Variants in SRRM4 observed in about 807,000 individuals in gnomAD.
The protein encoded by SRRM4 is serine/arginine repetitive matrix 4, also known as serine/arginine repetitive matrix protein 4.
SRRM4 carries 33 observed loss-of-function variants against 68.9 expected under a neutral mutation model. The ratio of observed to expected loss-of-function variants is 0.48; its 90% CI spans 0.36 to 0.64. The LOEUF (loss-of-function observed/expected upper bound fraction) is 0.64. Among genes scored for constraint, SRRM4 ranks in the 30% least tolerant of loss-of-function variants. The pLI is 0.00. For synonymous variants in SRRM4, 318 were observed against 318.8 expected, an observed-to-expected ratio of 1.00 and a Z score of 0.03; for missense variants, 817 against 827.1, an observed-to-expected ratio of 0.99 and a Z score of 0.15.
intron 1 of SRRM4, among the ~76,000 whole-genome samples, chr12:119,040,187 A>T (rs963789956): frequency 9.4e-5 from 14 of 149,278 alleles, no homozygotes; most frequent in African/African-American, 3.5e-4. Flanking sequence ...GCTACCTTTT[A>T]TTTTATTTTA....
intron 1 of SRRM4, among the ~76,000 whole-genome samples, chr12:119,079,041 A>G (rs10744734): frequency 0.87 from 132,132 of 152,226 alleles, 57,659 homozygotes; most frequent in Middle Eastern, 0.95. Flanking sequence ...GCACAGGAGA[A>G]GGGCTGCACA....
At chr12:119,064,367 A>G (rs1953832722) in intron 1 of SRRM4, among the ~76,000 whole-genome samples, 1 of 152,242 alleles carries the variant, frequency 6.6e-6, no homozygotes. Flanking sequence ...TGAAGTTGAC[A>G]CACTAAAGAG....
At chr12:118,987,415 G>C (rs566027124) in intron 1 of SRRM4, among the ~76,000 whole-genome samples, 2 of 152,296 alleles carry the variant, frequency 1.3e-5, no homozygotes, top group South Asian at 4.2e-4. Context: ...GGACTCCTGA[G>C]CAGCTCCAAT....
At chr12:118,999,022 C>T (rs1953367248) in intron 1 of SRRM4, among the ~76,000 whole-genome samples, 1 of 152,120 alleles carries the variant, frequency 6.6e-6, no homozygotes, top group South Asian at 2.1e-4. Context: ...TTTGTATAAT[C>T]CAAGAGTGAT....
intron 1 of SRRM4, among the ~76,000 whole-genome samples, chr12:119,099,267 TG>T (rs1954063996): frequency 6.6e-6 from 1 of 152,168 alleles, no homozygotes; most frequent in East Asian, 1.9e-4. Context: ...CCTGAGTAGC[TG>T]GGATTACAGA....
intron 3 of SRRM4, among the ~76,000 whole-genome samples, chr12:119,116,031 C>T (rs1954177893): frequency 2.6e-5 from 4 of 151,792 alleles, no homozygotes; most frequent in African/African-American, 4.8e-5. Context: ...GCAGACTCCC[C>T]TCCAGCCAGA....
chr12:119,139,458 T>C (rs984467913), intron 8 of SRRM4, among the ~76,000 whole-genome samples: 2 of 152,168 alleles, frequency 1.3e-5, no homozygotes, highest in Admixed American at 1.3e-4. Context: ...TGAATATCTC[T>C]GATGATGACT....
rs114567663 is a variant in SRRM4, at chr12:119,120,868, C to T, written c.464+592C>T. 2.7e-3 allele frequency among the ~76,000 whole-genome samples: 417 copies of T among 152,266 alleles called. 3 individuals carry two copies. The highest frequency in any genetic ancestry group is 9.7e-3 in the African/African-American group (404 of 41,554). Reference sequence around the variant, plus strand: ...GTCCACAGATAGAACCAGAAGGTAACGGAGCCGAAATTCAAACCCAAATCT... The same window carrying T: ...GTCCACAGATAGAACCAGAAGGTAATGGAGCCGAAATTCAAACCCAAATCT... On this transcript the variant is annotated intron_variant, in intron 5 of 12. Coordinates refer to ENST00000267260, the MANE Select transcript of SRRM4 (RefSeq NM_194286.4).
At chr12:118,984,573 T>G (rs1953270782) in intron 1 of SRRM4, among the ~76,000 whole-genome samples, 1 of 152,222 alleles carries the variant, frequency 6.6e-6, no homozygotes, top group Non-Finnish European at 1.5e-5. Flanking sequence ...ATAAACTTCC[T>G]CAGGATATTT....
intron 1 of SRRM4, among the ~76,000 whole-genome samples, chr12:119,035,139 T>C (rs1407178342): frequency 1.3e-5 from 2 of 152,174 alleles, no homozygotes; most frequent in Admixed American, 6.5e-5. Context: ...ACCCTTGCAT[T>C]TAAAAAAAAT....
chr12:119,037,456 T>A (rs1386731031), intron 1 of SRRM4, among the ~76,000 whole-genome samples: 1 of 152,192 alleles, frequency 6.6e-6, no homozygotes, highest in African/African-American at 2.4e-5. Context: ...TTGAATTTTT[T>A]ATGGATGCCT....
chr12:118,999,105 T>C (rs1856197913), intron 1 of SRRM4, among the ~76,000 whole-genome samples: 2 of 152,142 alleles, frequency 1.3e-5, no homozygotes, highest in Admixed American at 1.3e-4. Context: ...GGCAAAGGTA[T>C]TCTTTATCCT....
At chr12:118,982,669 GTTTTTTTTTGT>G (rs1363771247) in intron 1 of SRRM4, among the ~76,000 whole-genome samples, 41 of 115,726 alleles carry the variant, frequency 3.5e-4, no homozygotes, top group South Asian at 2.7e-3. Context: ...GTTTTATTTT[GTTTTTTTTTGT>G]TTTTTTTTTT....
intron 1 of SRRM4, among the ~76,000 whole-genome samples, chr12:119,065,649 C>T (rs765727197): frequency 1.3e-5 from 2 of 152,110 alleles, no homozygotes; most frequent in African/African-American, 2.4e-5. Context: ...GCAGGAGAAT[C>T]GCTTGAACCC....
At chr12:119,083,195 A>G (rs1372371999) in intron 1 of SRRM4, among the ~76,000 whole-genome samples, 1 of 151,732 alleles carries the variant, frequency 6.6e-6, no homozygotes, top group Non-Finnish European at 1.5e-5. Context: ...TTTCCCCCCA[A>G]CCACCCACAA....
Position 119,160,545 on chromosome 12 carries a change from G to A in SRRM4, c.*3747G>A, listed in dbSNP as rs141604441. 8 of 152,302 alleles carry A rather than the reference G, an allele frequency of 5.3e-5. No individual in the cohort carries two copies. Among genetic ancestry groups the A allele is most frequent in the Admixed American group, 2.6e-4 (4 of 15,298 alleles). 9.4% of individuals were successfully genotyped at this position (152,302 alleles called of 1,614,324 possible). A position where few individuals can be genotyped will look rare whatever the true frequency, so the allele number is the denominator to read the frequency against. On this transcript the variant is annotated 3_prime_UTR_variant, in exon 13 of 13. Coordinates refer to ENST00000267260, the MANE Select transcript of SRRM4 (RefSeq NM_194286.4). The stretch of plus-strand genomic sequence containing the variant: ...ATCTCAAAAACCAACATCCAAAATG[G>A]GAGGGAGATGTGGCTTGAGGTCAAG...
intron 1 of SRRM4, among the ~76,000 whole-genome samples, chr12:119,045,757 G>T (rs931509327): frequency 6.6e-6 from 1 of 152,050 alleles, no homozygotes; most frequent in African/African-American, 2.4e-5. Context: ...AAATAATTAG[G>T]CCAGGCATGG....
At chr12:119,037,526 C>A (rs1312813114) in intron 1 of SRRM4, among the ~76,000 whole-genome samples, 1 of 152,160 alleles carries the variant, frequency 6.6e-6, no homozygotes, top group South Asian at 2.1e-4. Flanking sequence ...GAAAATAGAT[C>A]TGCGTGAATC....
intron 9 of SRRM4, among the ~76,000 whole-genome samples, chr12:119,149,724 G>A (rs891604196): frequency 1.1e-4 from 16 of 152,176 alleles, no homozygotes; most frequent in African/African-American, 2.9e-4. Flanking sequence ...GAAGAGAATA[G>A]GGATATTTCA....
Sources: allele counts gnomAD v4.1 joint callset (sites outside exome capture counted in the v4.1 genomes callset), GRCh38; gene constraint gnomAD v4.1.1; transcripts MANE v1.5; gene names NCBI Gene and HGNC (gene_info 2026-07-23, HGNC 2026-07-21).